REXO1: variants seen among roughly 807,000 people sequenced by gnomAD.
REXO1 encodes the protein REX1, RNA exonuclease 1 homolog.
In REXO1, 42 loss-of-function variants were observed where a neutral mutation model predicts 102.6. The ratio of observed to expected loss-of-function variants is 0.41; its 90% CI spans 0.32 to 0.53. The LOEUF (loss-of-function observed/expected upper bound fraction) is 0.53. REXO1 is among the 20% of genes least tolerant of loss of function. REXO1 has a pLI of 0.27. For missense variants in REXO1, 1,819 were observed against 1,732.5 expected, an observed-to-expected ratio of 1.05 and a Z score of -0.89; for synonymous variants, 908 against 779.1, an observed-to-expected ratio of 1.17 and a Z score of -2.76.
intron 1 of REXO1, among the ~76,000 whole-genome samples, chr19:1,836,671 G>A (rs1205798108): frequency 6.6e-6 from 1 of 150,564 alleles, no homozygotes; most frequent in African/African-American, 2.4e-5. Flanking sequence ...ACTTGAACCC[G>A]GGAGGCGGAG....
rs1311650618 is a variant in REXO1, at chr19:1,815,733, C to T, written c.*333G>A. The T allele has an allele frequency of 2.1e-6, 3 of 1,398,984 alleles. No homozygotes were observed. In the African/African-American group the frequency reaches 4.3e-5, roughly 20 times the overall value. The allele number at this position is 1,398,984 out of a possible 1,614,324, so 86.7% of individuals were successfully genotyped here. A position where few individuals can be genotyped will look rare whatever the true frequency, so the allele number is the denominator to read the frequency against. ...GCGACCCACGTGAGGAGCAGAGGTG[C>T]CGGCCACCACCCGGGAGGGAGGGCC... On this transcript the variant is annotated 3_prime_UTR_variant, in exon 16 of 16. Coordinates refer to ENST00000170168, the MANE Select transcript of REXO1 (RefSeq NM_020695.4). The surrounding 1 kb of genome is among the most constrained non-coding windows in gnomAD (Gnocchi z 4.0).
Position 1,826,869 on chromosome 19 carries a change from GCGC to G in REXO1, c.1911+6_1911+8del. 6.4e-7 allele frequency: 1 copy of G among 1,567,086 alleles called. No homozygotes were observed. The highest frequency in any genetic ancestry group is 8.6e-7 in the Non-Finnish European group (1 of 1,157,366). On this transcript the variant is annotated splice_donor_region_variant and intron_variant, in intron 2 of 15. Transcript: ENST00000170168. The surrounding 1 kb of genome is among the most constrained non-coding windows in gnomAD (Gnocchi z 4.3). The stretch of plus-strand genomic sequence containing the variant: ...GCCCGAGCCCAGCCCCAGCACCCGC[GCGC>G]CTCACCTGCCGGGCCAGCCGGCCTC...
chr19:1,823,744 C>G lies in REXO1; in HGVS notation c.2058G>C (p.Arg686=), dbSNP rs752936301. The G allele has an allele frequency of 2.4e-6, 3 of 1,262,044 alleles. No individual in the cohort carries two copies. The highest frequency in any genetic ancestry group is 3.0e-6 in the Non-Finnish European group (3 of 997,394). 78.2% of individuals were successfully genotyped at this position (1,262,044 alleles called of 1,614,324 possible). ...AGCACACCTCCTGCGCCGTCGGGGG[C>G]CGGGCCGGGGGCACCGCGGGACCCC... ...PRRGPAVPPA[R]PPTAQEVCYL... Residue 686 remains arginine, a synonymous_variant, in exon 4 of 16, where the codon CGG becomes CGC. Transcript: ENST00000170168.
intron 1 of REXO1, among the ~76,000 whole-genome samples, chr19:1,834,064 G>T (rs2069975019): frequency 6.6e-6 from 1 of 152,154 alleles, no homozygotes; most frequent in Non-Finnish European, 1.5e-5. Flanking sequence ...TCTCTAAGGG[G>T]CTAAGGATAA....
chr19:1,825,402 A>G (rs12985022), intron 3 of REXO1, among the ~76,000 whole-genome samples: 47,924 of 150,616 alleles, frequency 0.32, 8,885 homozygotes, highest in African/African-American at 0.5. Flanking sequence ...AACGCTGGGA[A>G]GCCGAGGCAG....
chr19:1,824,784 T>TAAAA (rs2069658662), intron 3 of REXO1, among the ~76,000 whole-genome samples: 2 of 68,476 alleles, frequency 2.9e-5, no homozygotes, highest in Admixed American at 3.3e-4. Flanking sequence ...GGATAACTCA[T>TAAAA]TTTATGTATT....
At chr19:1,835,808 C>T (rs1429342744) in intron 1 of REXO1, among the ~76,000 whole-genome samples, 2 of 152,270 alleles carry the variant, frequency 1.3e-5, no homozygotes, top group African/African-American at 4.8e-5. Context: ...AGGTACCACC[C>T]AGCCCCAGTG....
Position 1,819,085 on chromosome 19 carries a change from GC to G in REXO1, c.2696del (p.Gly899AlafsTer22). 1.3e-6 allele frequency: 2 copies of G among 1,599,066 alleles called. No individual in the cohort carries two copies. Among genetic ancestry groups the G allele is most frequent in the Non-Finnish European group, 8.5e-7 (1 of 1,172,164 alleles). On this transcript the variant is annotated frameshift_variant, in exon 8 of 16. Transcript: ENST00000170168. LOFTEE classifies it high-confidence loss of function. ...AGAAGCTGGTCTTGGCGGCCAACCT[GC>G]CCCCCAACACCACCTCGTGGGACAC... ...RVVSHEVVLGGRLAAKTSFSL... is the reference protein window; with the variant it reads ...RVVSHEVVLGXRLAAKTSFSL...
At chr19:1,847,443 CAG>C (rs1236361889) in intron 1 of REXO1, among the ~76,000 whole-genome samples, 4 of 152,134 alleles carry the variant, frequency 2.6e-5, no homozygotes, top group Admixed American at 6.5e-5. Context: ...ACAGAGGTAA[CAG>C]GGGAGTCTGA....
Position 1,816,781 on chromosome 19 carries a change from G to T in REXO1, c.3234C>A (p.Arg1078=). The T allele has an allele frequency of 1.2e-6, 2 of 1,612,818 alleles. No individual in the cohort carries two copies. The highest frequency in any genetic ancestry group is 2.2e-5 in the South Asian group (2 of 91,078). The part of the protein sequence containing the change: ...SYTTYGLELT[R]VTVVDTDVHV... ...GCACGTCCGTGTCGACCACCGTGAC[G>T]CGCGTCAGCTCCAGGCCATATGTGG... Residue 1078 remains arginine (R), a synonymous_variant, in exon 13 of 16, where the codon CGC becomes CGA. Coordinates refer to ENST00000170168, the MANE Select transcript of REXO1 (RefSeq NM_020695.4).
chr19:1,846,771 T>C (rs1019870673), intron 1 of REXO1, among the ~76,000 whole-genome samples: 4 of 152,120 alleles, frequency 2.6e-5, no homozygotes, highest in Non-Finnish European at 1.5e-5. Flanking sequence ...CCGCCGCCCA[T>C]AGTCCCAGCT....
At chr19:1,834,080 T>G (rs1227875645) in intron 1 of REXO1, among the ~76,000 whole-genome samples, 1 of 152,004 alleles carries the variant, frequency 6.6e-6, no homozygotes, top group Non-Finnish European at 1.5e-5. Flanking sequence ...GATAAGGGAC[T>G]CCACTCAGGG....
At chr19:1,842,646 C>G (rs944532092) in intron 1 of REXO1, among the ~76,000 whole-genome samples, 4 of 152,182 alleles carry the variant, frequency 2.6e-5, no homozygotes, top group Admixed American at 6.5e-5. Context: ...AAAGCCCCCC[C>G]AAAAAAACAG....
Position 1,818,723 on chromosome 19 carries a change from T to C in REXO1, c.2885A>G (p.Glu962Gly). The change falls in exon 9 of 16, where the codon GAG becomes GGG. Residue 962 changes from glutamate to glycine, a missense_variant. Coordinates refer to ENST00000170168, the MANE Select transcript of REXO1 (RefSeq NM_020695.4). ...PGGAIIFTAE[E>G]KRPKDSSCRT... is the part of the protein sequence containing the mutation. ...CGACTCACAGTCCTTGGGCCTCTTC[T>C]CCTCAGCTGTGAAGATGATTGCGCC... 6.2e-7 allele frequency: 1 copy of C among 1,611,082 alleles called. No homozygotes were observed. The highest frequency in any genetic ancestry group is 8.5e-7 in the Non-Finnish European group (1 of 1,179,848).
At chr19:1,831,784 G>C (rs984081309) in intron 1 of REXO1, among the ~76,000 whole-genome samples, 1 of 146,514 alleles carries the variant, frequency 6.8e-6, no homozygotes, top group African/African-American at 2.6e-5. Flanking sequence ...GGCGGAAGTT[G>C]CAGTGAGCCA....
At position 1,817,339 on chromosome 19, in the gene REXO1, G is replaced by A; in HGVS notation, c.3091-10C>T. On this transcript the variant is annotated splice_polypyrimidine_tract_variant and intron_variant, in intron 11 of 15. Coordinates refer to ENST00000170168, the MANE Select transcript of REXO1 (RefSeq NM_020695.4). Reference sequence around the variant, plus strand: ...CATCCTGCACGTGTTGCTGGGGGTGGAGAAGGCAGGTGAGGGCAGCTTCGG... The same window carrying A: ...CATCCTGCACGTGTTGCTGGGGGTGAAGAAGGCAGGTGAGGGCAGCTTCGG... 1 of 1,611,780 alleles carries A rather than the reference G, an allele frequency of 6.2e-7. No individual in the cohort carries two copies. The highest frequency in any genetic ancestry group is 8.5e-7 in the Non-Finnish European group (1 of 1,179,960).
Position 1,819,265 on chromosome 19 carries a change from AC to A in REXO1, c.2651-135del, listed in dbSNP as rs1157596135. ...CCCTTTCTGGGACAGCACCCCACTG[AC>A]CCCGGGTTCCAGCCTGACCCGAACA... On this transcript the variant is annotated intron_variant, in intron 7 of 15. Transcript: ENST00000170168. 4.5e-5 allele frequency: 29 copies of A among 640,648 alleles called. No homozygotes were observed. In the South Asian group the frequency reaches 5.8e-4, roughly 13 times the overall value. The allele number at this position is 640,648 out of a possible 1,614,324, so 39.7% of individuals were successfully genotyped here.
chr19:1,834,804 C>G (rs1363845171), intron 1 of REXO1, among the ~76,000 whole-genome samples: 2 of 152,190 alleles, frequency 1.3e-5, no homozygotes, highest in African/African-American at 4.8e-5. Flanking sequence ...ATTTTCACTC[C>G]CGGGTGGAGG....
At position 1,828,299 on chromosome 19, in the gene REXO1, C is replaced by A. The variant is rs774162601; in HGVS notation, c.490G>T (p.Gly164Cys). 6.2e-7 allele frequency: 1 copy of A among 1,607,548 alleles called. No individual in the cohort carries two copies. Among genetic ancestry groups the A allele is most frequent in the Admixed American group, 1.7e-5 (1 of 59,348 alleles). ...GCGGCCAGTGGGGTGGGCTGGTAGCCGGCATCAGGGCTTAATAGGCCGTGG... is the reference window on the plus strand; with the variant it reads ...GCGGCCAGTGGGGTGGGCTGGTAGCAGGCATCAGGGCTTAATAGGCCGTGG... ...GSHGLLSPDA[G>C]YQPTPLAAPA... is the part of the protein sequence containing the mutation. The change falls in exon 2 of 16, where the codon GGC becomes TGC. Residue 164 changes from glycine to cysteine, a missense_variant. Physicochemically the swap from Gly to Cys is radical, Grantham distance 159. Transcript: ENST00000170168.
Sources: allele counts gnomAD v4.1 joint callset (sites outside exome capture counted in the v4.1 genomes callset), GRCh38; gene constraint gnomAD v4.1.1; non-coding constraint Gnocchi (gnomAD v3.1); transcripts MANE v1.5; gene names NCBI Gene and HGNC (gene_info 2026-07-23, HGNC 2026-07-21).